Variants in GABRR2 observed in about 807,000 individuals in gnomAD.
GABRR2 encodes gamma-aminobutyric acid receptor subunit rho-2.
In GABRR2, 36 loss-of-function variants were observed where a neutral mutation model predicts 47.0. The observed-to-expected ratio is 0.77, with a 90% CI of 0.59 to 1.01. The LOEUF (loss-of-function observed/expected upper bound fraction) is 1.01, where lower values mean the gene tolerates loss of function less well. Ranked by LOEUF, GABRR2 falls within the 50% of genes least tolerant of loss-of-function variation. The probability of loss-of-function intolerance (pLI) is 0.00; values close to 1 mark genes in which losing one functional copy is unlikely to be tolerated. For missense variants in GABRR2, 587 were observed against 594.6 expected (o/e 0.99, Z 0.13); for synonymous variants, 204 against 227.5 (o/e 0.90, Z 0.93).
chr6:89,287,564 A>G (rs1427091888), intron 2 of GABRR2, among the ~76,000 whole-genome samples: 2 of 152,222 alleles, frequency 1.3e-5, no homozygotes, highest in South Asian at 2.1e-4. Context: ...CGCCTCGCAC[A>G]CACTGGCTGC....
intron 7 of GABRR2, 54 bp from the exon 8 acceptor site, chr6:89,264,662 T>C (rs1773845484): frequency 1.3e-6 from 2 of 1,591,556 alleles, no homozygotes; most frequent in Non-Finnish European, 1.7e-6. Context: ...ACTGCCCTCA[T>C]ATCTCACTAA....
At chr6:89,266,108 G>A (rs1278158004) in intron 6 of GABRR2, among the ~76,000 whole-genome samples, 1 of 152,180 alleles carries the variant, frequency 6.6e-6, no homozygotes, top group Admixed American at 6.5e-5. Context: ...TGTAGCCCAG[G>A]CTGGAGTACA....
intron 2 of GABRR2, among the ~76,000 whole-genome samples, chr6:89,299,427 T>C (rs1023047496): frequency 1.2e-4 from 18 of 152,204 alleles, no homozygotes; most frequent in Non-Finnish European, 1.3e-4. Context: ...TCTTCCTCTA[T>C]AAAAATGACA....
chr6:89,294,316 T>C (rs1052316245), intron 2 of GABRR2, among the ~76,000 whole-genome samples: 2 of 152,122 alleles, frequency 1.3e-5, no homozygotes, highest in Admixed American at 1.3e-4. Context: ...GGCTAAATTT[T>C]TGTATGTTTA....
At chr6:89,282,039 C>T (rs891677034) in intron 2 of GABRR2, among the ~76,000 whole-genome samples, 5 of 152,178 alleles carry the variant, frequency 3.3e-5, no homozygotes, top group Non-Finnish European at 7.3e-5. Context: ...CCAGCCACCT[C>T]CCTCCATCAC....
rs1773621919 is a variant in GABRR2, at chr6:89,257,322, A to G, written c.*348T>C. 8.6e-6 allele frequency: 2 copies of G among 232,334 alleles called. No homozygotes were observed. The highest frequency in any genetic ancestry group is 1.7e-5 in the Non-Finnish European group (2 of 118,886). The allele number at this position is 232,334 out of a possible 1,614,324, so 14.4% of individuals were successfully genotyped here. A position where few individuals can be genotyped will look rare whatever the true frequency, so the allele number is the denominator to read the frequency against. On this transcript the variant is annotated 3_prime_UTR_variant, in exon 9 of 9. Coordinates refer to ENST00000402938, the MANE Select transcript of GABRR2 (RefSeq NM_002043.5). The stretch of plus-strand genomic sequence containing the variant: ...TACTTCAGTTTTTCCTTTTCCCTCC[A>G]CAACTGACTCCTAGGCAATCTGAGG...
At chr6:89,288,052 G>T (rs1215188082) in intron 2 of GABRR2, among the ~76,000 whole-genome samples, 2 of 152,184 alleles carry the variant, frequency 1.3e-5, no homozygotes, top group Non-Finnish European at 2.9e-5. Flanking sequence ...AAACATCTCT[G>T]CAAATTTTTT....
intron 1 of GABRR2, chr6:89,301,930 T>C: frequency 9.9e-7 from 1 of 1,006,152 alleles, no homozygotes; most frequent in Non-Finnish European, 1.6e-6. Context: ...GATCAGCATC[T>C]ACTACAACGA....
chr6:89,307,886 G>A (rs1434376027), intron 1 of GABRR2, among the ~76,000 whole-genome samples: 1 of 137,924 alleles, frequency 7.3e-6, no homozygotes, highest in Non-Finnish European at 1.5e-5. Context: ...GTGAGATCTT[G>A]GCTCACTGCA....
chr6:89,301,486 C>T (rs890730916), intron 1 of GABRR2, among the ~76,000 whole-genome samples: 3 of 152,058 alleles, frequency 2.0e-5, no homozygotes, highest in Non-Finnish European at 4.4e-5. Flanking sequence ...ATAGTTTTGG[C>T]CCAAAAGCTC....
chr6:89,279,209 C>T lies in GABRR2; in HGVS notation c.221-7487G>A, dbSNP rs143547073. 3.9e-4 allele frequency among the ~76,000 whole-genome samples: 59 copies of T among 152,314 alleles called. 1 individual carries two copies. The highest frequency in any genetic ancestry group is 3.4e-3 in the Middle Eastern group (1 of 294). On this transcript the variant is annotated intron_variant, in intron 2 of 8. Transcript: ENST00000402938. ...GTCCTTCATGCCACCCACAGCTGCT[C>T]CTGACAGTTTGCTTGTGTTTGTGCT...
At chr6:89,283,170 T>C (rs370289332) in intron 2 of GABRR2, among the ~76,000 whole-genome samples, 6 of 150,546 alleles carry the variant, frequency 4.0e-5, no homozygotes, top group African/African-American at 1.2e-4. Context: ...TTCTGTTCTT[T>C]GCACATTTTT....
rs181374667 is a variant in GABRR2 at position 89,269,249 on chromosome 6, G to A, written c.289-15C>T. 2.1e-5 allele frequency: 34 copies of A among 1,606,726 alleles called. No individual in the cohort carries two copies. In the Admixed American group the frequency reaches 5.7e-4, roughly 27 times the overall value. ...ATAGTGAAGTCCTGTGGGAGCCGGG[G>A]TGAGACCAGACAAAAATGGCTTAGA... On this transcript the variant is annotated splice_polypyrimidine_tract_variant and intron_variant, in intron 3 of 8. Coordinates refer to ENST00000402938, the MANE Select transcript of GABRR2 (RefSeq NM_002043.5).
At position 89,256,513 on chromosome 6, in the gene GABRR2, A is replaced by G. The variant is rs1168551713; in HGVS notation, c.*1157T>C. The stretch of plus-strand genomic sequence containing the variant: ...GACAAGAGTTGCTGTGTAGTAAAGG[A>G]CTAACCTTTACTAGGAAGCAACCTC... On this transcript the variant is annotated 3_prime_UTR_variant, in exon 9 of 9. Transcript: ENST00000402938. Among the ~76,000 whole-genome samples the G allele has an allele frequency of 6.6e-6, 1 of 152,170 alleles. No individual in the cohort carries two copies. The highest frequency in any genetic ancestry group is 1.5e-5 in the Non-Finnish European group (1 of 68,028).
At chr6:89,279,684 A>T (rs1384849352) in intron 2 of GABRR2, among the ~76,000 whole-genome samples, 1 of 95,150 alleles carries the variant, frequency 1.1e-5, no homozygotes, top group Non-Finnish European at 2.4e-5. Flanking sequence ...AAAAAAGTTA[A>T]AAAAAAAAAA....
At chr6:89,287,450 C>T (rs527813206) in intron 2 of GABRR2, among the ~76,000 whole-genome samples, 8 of 152,344 alleles carry the variant, frequency 5.3e-5, no homozygotes, top group South Asian at 2.1e-4. Flanking sequence ...GGAGCTGTGT[C>T]GAGAAGGCAC....
rs1773628855 is a variant in GABRR2, at chr6:89,257,594, C to CA, written c.*75dup. ...CATTGTTTGGTGAGGGGCGTGTGGT[C>CA]AACAAGTCCGTCTGTCAATGACTGG... On this transcript the variant is annotated 3_prime_UTR_variant, in exon 9 of 9. Coordinates refer to ENST00000402938, the MANE Select transcript of GABRR2 (RefSeq NM_002043.5). The CA allele has an allele frequency of 2.5e-6, 3 of 1,223,880 alleles. No homozygotes were observed. Among genetic ancestry groups the CA allele is most frequent in the Non-Finnish European group, 3.4e-6 (3 of 876,022 alleles). 75.8% of individuals were successfully genotyped at this position (1,223,880 alleles called of 1,614,324 possible).
rs1767462299 is a variant in GABRR2, at chr6:89,302,328, C to T, written c.114-2463G>A. 122 of 564,406 alleles carry T rather than the reference C, an allele frequency of 2.2e-4. 2 individuals carry two copies. Among genetic ancestry groups the T allele is most frequent in the South Asian group, 1.6e-3 (117 of 71,594 alleles). 35.0% of individuals were successfully genotyped at this position (564,406 alleles called of 1,614,324 possible). A position where few individuals can be genotyped will look rare whatever the true frequency, so the allele number is the denominator to read the frequency against. On this transcript the variant is annotated intron_variant, in intron 1 of 8. Coordinates refer to ENST00000402938, the MANE Select transcript of GABRR2 (RefSeq NM_002043.5). ...TCACTGTGGTGGAGCCCTACAACCCCATGCTGTCCATCCACCAGCTGGTGG... is the reference window on the plus strand; with the variant it reads ...TCACTGTGGTGGAGCCCTACAACCCTATGCTGTCCATCCACCAGCTGGTGG...
At chr6:89,298,977 C>T (rs1251061853) in intron 2 of GABRR2, among the ~76,000 whole-genome samples, 1 of 152,170 alleles carries the variant, frequency 6.6e-6, no homozygotes, top group African/African-American at 2.4e-5. Flanking sequence ...CACATGGAAA[C>T]TGTTGGCACC....
Sources: gnomAD v4.1 joint callset for allele counts (sites outside exome capture counted in the v4.1 genomes callset) on GRCh38, gnomAD v4.1.1 for gene constraint, MANE v1.5 for transcripts, NCBI Gene and HGNC (gene_info 2026-07-23, HGNC 2026-07-21) for gene names.